Variants in PAPPA observed in about 807,000 individuals in gnomAD.
PAPPA encodes the protein pappalysin-1.
A neutral mutation model predicts 164.0 loss-of-function variants in PAPPA; 60 were observed. That is an observed-to-expected ratio of 0.37 (90% confidence interval 0.30 to 0.45). The LOEUF is 0.45. Among genes scored for constraint, PAPPA ranks in the 20% least tolerant of loss-of-function variants. PAPPA has a pLI of 1.00. For missense variants in PAPPA, 1,782 were observed against 2,087.3 expected (o/e 0.85, Z 2.85); for synonymous variants, 875 against 814.1 (o/e 1.07, Z -1.27).
In PAPPA at chr9:116,227,161, T is replaced by G. The variant is rs189105599; in HGVS notation, c.2112-270T>G. On this transcript the variant is annotated intron_variant, in intron 5 of 21. Coordinates refer to ENST00000328252, the MANE Select transcript of PAPPA (RefSeq NM_002581.5). The stretch of plus-strand genomic sequence containing the variant: ...TTAAAATTATTGCAGGTGGTGAGAC[T>G]TCAGCCTGTTGACTTTGTGCTGCTA... 2.1e-3 allele frequency among the ~76,000 whole-genome samples: 314 copies of G among 152,328 alleles called. 2 individuals carry two copies. Among genetic ancestry groups the G allele is most frequent in the Admixed American group, 0.017 (254 of 15,304 alleles).
intron 10 of PAPPA, among the ~76,000 whole-genome samples, chr9:116,303,224 A>G (rs757017844): frequency 6.6e-6 from 1 of 152,134 alleles, no homozygotes; most frequent in Non-Finnish European, 1.5e-5. Context: ...TTTTGCATAT[A>G]TCATGTATTT....
rs554355760 is a variant in PAPPA, at chr9:116,154,344, T to TCGCCGC, written c.190_195dup (p.Pro64_Pro65dup). ...CCGGGCGGCCCGCGGCCGCCGCGCC[T>TCGCCGC]CGCCGCCGCCGCCGCCGCCGCCGGG... On this transcript the variant is annotated inframe_insertion, in exon 1 of 22. Coordinates refer to ENST00000328252, the MANE Select transcript of PAPPA (RefSeq NM_002581.5). The surrounding 1 kb of genome is among the most constrained non-coding windows in gnomAD (Gnocchi z 5.2). The TCGCCGC allele has an allele frequency of 3.7e-3, 3,089 of 825,742 alleles. 130 individuals carry two copies. The Admixed American group carries it at 0.097, about 26-fold the overall frequency. The allele number at this position is 825,742 out of a possible 1,614,324, so 51.2% of individuals were successfully genotyped here.
At chr9:116,217,913 C>T (rs1324146696) in intron 4 of PAPPA, among the ~76,000 whole-genome samples, 1 of 152,176 alleles carries the variant, frequency 6.6e-6, no homozygotes, top group African/African-American at 2.4e-5. Context: ...CCATCATGCC[C>T]TTCTCCTGCA....
intron 7 of PAPPA, among the ~76,000 whole-genome samples, chr9:116,252,137 A>G (rs1001670464): frequency 3.3e-5 from 5 of 152,250 alleles, no homozygotes; most frequent in African/African-American, 1.2e-4. Context: ...AAATCTTTGG[A>G]CAATTATATC....
At chr9:116,377,369 T>C (rs1379835994) in intron 19 of PAPPA, among the ~76,000 whole-genome samples, 2 of 152,224 alleles carry the variant, frequency 1.3e-5, no homozygotes, top group African/African-American at 4.8e-5. Flanking sequence ...TACAGAACCA[T>C]GACACATGCG....
chr9:116,302,112 A>G (rs368972693), intron 9 of PAPPA, among the ~76,000 whole-genome samples: 13 of 152,286 alleles, frequency 8.5e-5, no homozygotes, highest in African/African-American at 2.6e-4. Flanking sequence ...GCAAGTTATT[A>G]AAGATGTATG....
Position 116,187,488 on chromosome 9 carries a change from G to A in PAPPA, c.750G>A (p.Arg250=), listed in dbSNP as rs2118628442. The change falls in exon 2 of 22, where the codon CGG becomes CGA. Residue 250 remains arginine, a synonymous_variant. Coordinates refer to ENST00000328252, the MANE Select transcript of PAPPA (RefSeq NM_002581.5). This position sits in a 1 kb window ranked among gnomAD's most constrained non-coding sequence, Gnocchi z 4.2. ...LGGSALNHNY[R]GYIEHFSLWK... ...GCAGTGCCCTGAATCACAACTACCG[G>A]GGCTACATCGAGCACTTCAGTCTGT... The A allele has an allele frequency of 1.2e-6, 2 of 1,614,142 alleles. No individual in the cohort carries two copies. The highest frequency in any genetic ancestry group is 4.5e-5 in the East Asian group (2 of 44,862).
chr9:116,154,671 G>A lies in PAPPA; in HGVS notation c.415+84G>A, dbSNP rs1178598716. The A allele has an allele frequency of 1.6e-5, 20 of 1,245,406 alleles. No homozygotes were observed. The highest frequency in any genetic ancestry group is 1.9e-5 in the Non-Finnish European group (19 of 993,572). 77.1% of individuals were successfully genotyped at this position (1,245,406 alleles called of 1,614,324 possible). A position where few individuals can be genotyped will look rare whatever the true frequency, so the allele number is the denominator to read the frequency against. Reference sequence around the variant, plus strand: ...GTGTCTGGGCGCGGGTGGCGGGCGGGTCGGGGGCTTGCGGGCGTGTCTGTG... The same window carrying A: ...GTGTCTGGGCGCGGGTGGCGGGCGGATCGGGGGCTTGCGGGCGTGTCTGTG... On this transcript the variant is annotated intron_variant, in intron 1 of 21. Coordinates refer to ENST00000328252, the MANE Select transcript of PAPPA (RefSeq NM_002581.5). The surrounding 1 kb of genome is among the most constrained non-coding windows in gnomAD (Gnocchi z 5.2).
intron 10 of PAPPA, among the ~76,000 whole-genome samples, chr9:116,320,697 C>G (rs999593485): frequency 6.6e-6 from 1 of 152,108 alleles, no homozygotes; most frequent in Admixed American, 6.5e-5. Flanking sequence ...TCCCCCCTCT[C>G]TTTTTTCTGC....
chr9:116,210,433 C>A lies in PAPPA; in HGVS notation c.1625-1206C>A, dbSNP rs75884707. Among the ~76,000 whole-genome samples the A allele has an allele frequency of 6.5e-3, 985 of 152,214 alleles. 31 individuals carry two copies. In the East Asian group the frequency reaches 0.11, roughly 16 times the overall value. On this transcript the variant is annotated intron_variant, in intron 3 of 21. Transcript: ENST00000328252. ...ACCCTCCATGCCCATGTGGGGCTTGCCAGCTCAAATCAACAAGACCCTACC... is the reference window on the plus strand; with the variant it reads ...ACCCTCCATGCCCATGTGGGGCTTGACAGCTCAAATCAACAAGACCCTACC...
At chr9:116,204,082 G>C (rs1430553476) in intron 2 of PAPPA, among the ~76,000 whole-genome samples, 1 of 152,108 alleles carries the variant, frequency 6.6e-6, no homozygotes, top group African/African-American at 2.4e-5. Flanking sequence ...CAGGATATGG[G>C]GGGCTCACAT....
rs1332284169 is a variant in PAPPA, at chr9:116,154,542, T to A, written c.370T>A (p.Trp124Arg). 1 of 1,403,802 alleles carries A rather than the reference T, an allele frequency of 7.1e-7. No individual in the cohort carries two copies. The highest frequency in any genetic ancestry group is 2.7e-5 in the Admixed American group (1 of 36,826). The allele number at this position is 1,403,802 out of a possible 1,614,324, so 87.0% of individuals were successfully genotyped here. Residue 124 changes from tryptophan (W) to arginine (R), a missense_variant, in exon 1 of 22, where the codon TGG becomes AGG. By Grantham distance (101) the Trp-to-Arg change is moderately radical. Coordinates refer to ENST00000328252, the MANE Select transcript of PAPPA (RefSeq NM_002581.5). This position sits in a 1 kb window ranked among gnomAD's most constrained non-coding sequence, Gnocchi z 5.2. Reference protein sequence around the residue: ...LPRDAFTLQVWLRAEGGQRSP... With the variant: ...LPRDAFTLQVRLRAEGGQRSP... ...CCGGGACGCGTTCACGCTGCAAGTG[T>A]GGCTGCGAGCGGAGGGGGGCCAGAG... is the stretch of plus-strand genomic sequence containing the variant.
chr9:116,358,200 AC>A (rs539239692), intron 17 of PAPPA, among the ~76,000 whole-genome samples: 116 of 152,186 alleles, frequency 7.6e-4, no homozygotes, highest in African/African-American at 2.6e-3. Context: ...GGAGCCCTAA[AC>A]CCCAGAAAGG....
chr9:116,161,039 G>C (rs768752296), intron 1 of PAPPA, among the ~76,000 whole-genome samples: 4 of 152,154 alleles, frequency 2.6e-5, no homozygotes, highest in Non-Finnish European at 4.4e-5. Context: ...GACAATGCCG[G>C]GAGAAGCCGT....
intron 6 of PAPPA, among the ~76,000 whole-genome samples, chr9:116,229,804 A>T (rs1282213273): frequency 6.6e-6 from 1 of 152,156 alleles, no homozygotes; most frequent in African/African-American, 2.4e-5. Context: ...CTGAGGAATG[A>T]TGGTGGGCTG....
At chr9:116,377,543 G>T (rs569054566) in intron 19 of PAPPA, 33 bp from the exon 20 acceptor site, 1 of 1,540,568 alleles carries the variant, frequency 6.5e-7, no homozygotes, top group Middle Eastern at 1.7e-4. Context: ...CCAATCCCAA[G>T]CCCATCTGAC....
At chr9:116,245,803 A>C (rs1340716509) in intron 7 of PAPPA, among the ~76,000 whole-genome samples, 2 of 152,194 alleles carry the variant, frequency 1.3e-5, no homozygotes, top group Non-Finnish European at 2.9e-5. Context: ...TTAAACACGT[A>C]GGACTGAAAT....
intron 1 of PAPPA, among the ~76,000 whole-genome samples, chr9:116,163,407 T>C (rs540827129): frequency 6.6e-6 from 1 of 152,198 alleles, no homozygotes; most frequent in East Asian, 1.9e-4. Flanking sequence ...GAGAAGGCCA[T>C]GGTGTATCGC....
intron 21 of PAPPA, among the ~76,000 whole-genome samples, chr9:116,386,429 A>G (rs1024703133): frequency 6.6e-6 from 1 of 152,196 alleles, no homozygotes; most frequent in Non-Finnish European, 1.5e-5. Context: ...TGCATATTTC[A>G]GACACTCTGC....
Sources: gnomAD v4.1 joint callset for allele counts (sites outside exome capture counted in the v4.1 genomes callset) on GRCh38, gnomAD v4.1.1 for gene constraint, Gnocchi (gnomAD v3.1) non-coding constraint, MANE v1.5 for transcripts, NCBI Gene and HGNC (gene_info 2026-07-23, HGNC 2026-07-21) for gene names.